The following PRKCE variants were observed in gnomAD, a reference collection of about 807,000 sequenced individuals.
PRKCE encodes protein kinase C epsilon type.
PRKCE carries 16 observed loss-of-function variants against 85.4 expected under a neutral mutation model. The ratio of observed to expected loss-of-function variants is 0.19; its 90% CI spans 0.13 to 0.28. The LOEUF is 0.28. Ranked by LOEUF, PRKCE falls within the 10% of genes least tolerant of loss-of-function variation. The pLI, the probability that PRKCE is intolerant of heterozygous loss-of-function variation, is 1.00. For synonymous variants in PRKCE, 388 were observed against 371.5 expected (o/e 1.04, Z -0.51); for missense variants, 573 against 975.2 (o/e 0.59, Z 5.49).
intron 2 of PRKCE, among the ~76,000 whole-genome samples, chr2:45,939,758 T>C (rs1186884056): frequency 1.3e-5 from 2 of 152,214 alleles, no homozygotes; most frequent in Non-Finnish European, 2.9e-5. Flanking sequence ...TTTTATCATG[T>C]TGACCAGGAT....
intron 14 of PRKCE, among the ~76,000 whole-genome samples, chr2:46,174,690 GC>G (rs1679255650): frequency 6.6e-6 from 1 of 151,926 alleles, no homozygotes; most frequent in Non-Finnish European, 1.5e-5. Context: ...GAGATATGAT[GC>G]TTTTTAATTT....
At chr2:45,888,961 C>G (rs973823353) in intron 2 of PRKCE, among the ~76,000 whole-genome samples, 3 of 152,196 alleles carry the variant, frequency 2.0e-5, no homozygotes, top group Admixed American at 1.3e-4. Context: ...GTGGGGTTCT[C>G]TCAGGAATTC....
chr2:45,916,240 ATTT>A (rs748796035), intron 2 of PRKCE, among the ~76,000 whole-genome samples: 2 of 141,834 alleles, frequency 1.4e-5, no homozygotes, highest in Admixed American at 7.1e-5. Flanking sequence ...GCACTGAGAA[ATTT>A]TTTTTTTTTT....
intron 5 of PRKCE, among the ~76,000 whole-genome samples, chr2:45,981,167 G>A (rs529463796): frequency 6.6e-6 from 1 of 152,330 alleles, no homozygotes; most frequent in African/African-American, 2.4e-5. Flanking sequence ...GAGCAATTAC[G>A]AGAATGATAG....
intron 14 of PRKCE, among the ~76,000 whole-genome samples, chr2:46,171,044 A>G (rs535500488): frequency 6.6e-6 from 1 of 152,320 alleles, no homozygotes; most frequent in Admixed American, 6.5e-5. Flanking sequence ...TAGAAGCAGA[A>G]TGAGTCCAAG....
intron 2 of PRKCE, among the ~76,000 whole-genome samples, chr2:45,855,376 A>G (rs1006139185): frequency 2.0e-5 from 3 of 152,244 alleles, no homozygotes; most frequent in Non-Finnish European, 2.9e-5. Flanking sequence ...TTAGGCAAAA[A>G]TGGAAATGTT....
At chr2:45,976,913 T>A (rs1455986665) in intron 3 of PRKCE, among the ~76,000 whole-genome samples, 1 of 145,786 alleles carries the variant, frequency 6.9e-6, no homozygotes, top group Non-Finnish European at 1.5e-5. Context: ...GTGTCTTGTT[T>A]TGAGACAGAG....
rs371960321 is a variant in PRKCE at position 45,855,813 on chromosome 2, T to G, written c.412+12750T>G. On this transcript the variant is annotated intron_variant, in intron 2 of 14. Transcript: ENST00000306156. The stretch of plus-strand genomic sequence containing the variant: ...TTGGGTAGAAAGCTTCTCACTGCAG[T>G]GGGTGATGTATTGCCATAAATGGGC... 1.7e-3 allele frequency among the ~76,000 whole-genome samples: 253 copies of G among 152,218 alleles called. 3 individuals carry two copies. Among genetic ancestry groups the G allele is most frequent in the African/African-American group, 5.8e-3 (239 of 41,552 alleles).
chr2:46,131,563 G>A (rs369831990), intron 11 of PRKCE, among the ~76,000 whole-genome samples: 4 of 152,290 alleles, frequency 2.6e-5, no homozygotes, highest in African/African-American at 9.6e-5. Context: ...GGAAAGAGAG[G>A]GCCCAGGAAC....
intron 1 of PRKCE, among the ~76,000 whole-genome samples, chr2:45,745,936 C>G (rs531408773): frequency 8.5e-5 from 13 of 152,344 alleles, no homozygotes; most frequent in African/African-American, 2.9e-4. Flanking sequence ...GATGTCGTCA[C>G]AAGCCTCTGG....
At chr2:45,948,686 A>T (rs1700406276) in intron 2 of PRKCE, among the ~76,000 whole-genome samples, 1 of 152,180 alleles carries the variant, frequency 6.6e-6, no homozygotes, top group African/African-American at 2.4e-5. Flanking sequence ...ATAAAACATC[A>T]GAGTCAGTTC....
intron 2 of PRKCE, among the ~76,000 whole-genome samples, chr2:45,893,946 C>T (rs998289906): frequency 1.3e-5 from 2 of 152,192 alleles, no homozygotes; most frequent in South Asian, 2.1e-4. Context: ...TCTCTGTTTC[C>T]GGGCAAGGGA....
intron 1 of PRKCE, among the ~76,000 whole-genome samples, chr2:45,775,060 G>A (rs577373782): frequency 6.6e-6 from 1 of 152,276 alleles, no homozygotes; most frequent in East Asian, 1.9e-4. Context: ...GTTCCCAAGG[G>A]GGGCCTTGAG....
In PRKCE at chr2:46,061,095, T is replaced by C. The variant is rs539410802; in HGVS notation, c.1438-25113T>C. Among the ~76,000 whole-genome samples, 397 of 146,194 alleles carry C rather than the reference T, an allele frequency of 2.7e-3. 1 individual carries two copies. The highest frequency in any genetic ancestry group is 9.9e-3 in the African/African-American group (384 of 38,604). On this transcript the variant is annotated intron_variant, in intron 10 of 14. Coordinates refer to ENST00000306156, the MANE Select transcript of PRKCE (RefSeq NM_005400.3). Reference sequence around the variant, plus strand: ...TGTCTTTAATGATTTTCTTTTCTTCTTTTTTTTCCTTTTTTTTTTTTTTTT... The same window carrying C: ...TGTCTTTAATGATTTTCTTTTCTTCCTTTTTTTCCTTTTTTTTTTTTTTTT...
At chr2:46,046,958 T>C (rs1376581803) in intron 10 of PRKCE, among the ~76,000 whole-genome samples, 1 of 152,234 alleles carries the variant, frequency 6.6e-6, no homozygotes, top group East Asian at 1.9e-4. Context: ...AATCTCATCA[T>C]GCACAGGAGG....
At chr2:46,124,647 C>T (rs924620049) in intron 11 of PRKCE, among the ~76,000 whole-genome samples, 3 of 152,120 alleles carry the variant, frequency 2.0e-5, no homozygotes, top group African/African-American at 7.2e-5. Flanking sequence ...CACTTGTGGG[C>T]AGAGGAAAGG....
intron 11 of PRKCE, among the ~76,000 whole-genome samples, chr2:46,140,132 G>T (rs146970757): frequency 6.6e-6 from 1 of 152,112 alleles, no homozygotes; most frequent in African/African-American, 2.4e-5. Flanking sequence ...CTCTCCCTAA[G>T]TTAATTTATA....
intron 1 of PRKCE, among the ~76,000 whole-genome samples, chr2:45,817,066 A>AGAGTGTGTGT (rs374200877): frequency 2.9e-4 from 40 of 135,882 alleles, no homozygotes; most frequent in African/African-American, 1.1e-3. Context: ...CTGTAAGTAG[A>AGAGTGTGTGT]GTGTGTGTGT....
intron 1 of PRKCE, among the ~76,000 whole-genome samples, chr2:45,666,122 A>G (rs918167819): frequency 5.3e-5 from 8 of 152,186 alleles, no homozygotes; most frequent in Admixed American, 3.9e-4. Flanking sequence ...TAGAAGGTGC[A>G]CAATTCCTGG....
Sources: allele counts gnomAD v4.1 joint callset (sites outside exome capture counted in the v4.1 genomes callset), GRCh38; gene constraint gnomAD v4.1.1; transcripts MANE v1.5; gene names NCBI Gene and HGNC (gene_info 2026-07-23, HGNC 2026-07-21).